PLXNA4: variants seen among roughly 807,000 people sequenced by gnomAD.
PLXNA4 encodes plexin-A4.
PLXNA4 carries 44 observed loss-of-function variants against 191.8 expected under a neutral mutation model. The ratio of observed to expected loss-of-function variants is 0.23; its 90% CI spans 0.18 to 0.29. The LOEUF is 0.29. Among genes scored for constraint, PLXNA4 ranks in the 10% least tolerant of loss-of-function variants. PLXNA4 has a pLI of 1.00. For missense variants in PLXNA4, 1,800 were observed against 2,488.8 expected (o/e 0.72, Z 5.89); for synonymous variants, 1,082 against 1,009.5 (o/e 1.07, Z -1.36).
chr7:132,583,377 C>T (rs977265528), intron 2 of PLXNA4, among the ~76,000 whole-genome samples: 8 of 152,148 alleles, frequency 5.3e-5, no homozygotes, highest in South Asian at 2.1e-4. Context: ...AGACTAGAAG[C>T]GAGATGTGAT....
intron 3 of PLXNA4, among the ~76,000 whole-genome samples, chr7:132,405,062 G>A (rs948141178): frequency 4.9e-5 from 3 of 60,756 alleles, no homozygotes; most frequent in Non-Finnish European, 6.6e-5. Flanking sequence ...GAGGGTATGT[G>A]TGTGTGTGTA....
At chr7:132,520,338 G>T (rs1266235671) in intron 1 of PLXNA4, among the ~76,000 whole-genome samples, 1 of 152,116 alleles carries the variant, frequency 6.6e-6, no homozygotes, top group East Asian at 1.9e-4. Flanking sequence ...AACAGCTCAG[G>T]TGTTGGTCCA....
chr7:132,575,837 A>G (rs1802198973), intron 1 of PLXNA4, among the ~76,000 whole-genome samples: 1 of 152,222 alleles, frequency 6.6e-6, no homozygotes, highest in East Asian at 1.9e-4. Context: ...TCTGTTTCAT[A>G]TGCGCCGCCC....
intron 13 of PLXNA4, among the ~76,000 whole-genome samples, chr7:132,196,143 T>C (rs1489181696): frequency 6.6e-6 from 1 of 152,234 alleles, no homozygotes; most frequent in Non-Finnish European, 1.5e-5. Context: ...CCTCATTTTA[T>C]AAATGAAGAA....
At position 132,147,482 on chromosome 7, in the gene PLXNA4, G is replaced by T. The variant is rs139927525; in HGVS notation, c.4864+418C>A. Among the ~76,000 whole-genome samples the T allele has an allele frequency of 5.2e-3, 790 of 152,170 alleles. 5 individuals are homozygous for T. Among genetic ancestry groups the T allele is most frequent in the African/African-American group, 0.018 (735 of 41,494 alleles). ...CCTCTCCTCACCACTGCAGAGCCTC[G>T]CACCTGGTCTGTACCTGCACTCCAC... On this transcript the variant is annotated intron_variant, in intron 27 of 31. Coordinates refer to ENST00000321063, the MANE Select transcript of PLXNA4 (RefSeq NM_020911.2).
At chr7:132,150,370 C>T (rs1295265023) in intron 25 of PLXNA4, among the ~76,000 whole-genome samples, 1 of 152,166 alleles carries the variant, frequency 6.6e-6, no homozygotes, top group African/African-American at 2.4e-5. Context: ...CCAAGCTGGC[C>T]AGACAGCTGA....
At chr7:132,250,308 T>C (rs1376063059) in intron 4 of PLXNA4, among the ~76,000 whole-genome samples, 1 of 152,224 alleles carries the variant, frequency 6.6e-6, no homozygotes, top group African/African-American at 2.4e-5. Flanking sequence ...CTATACCTAG[T>C]ACTCAGCTCA....
chr7:132,285,457 C>A (rs754392669), intron 4 of PLXNA4, among the ~76,000 whole-genome samples: 1 of 152,192 alleles, frequency 6.6e-6, no homozygotes, highest in Non-Finnish European at 1.5e-5. Context: ...CTCCCCTTAG[C>A]CATTGTGCAT....
At chr7:132,596,994 C>T (rs1358989293) in intron 2 of PLXNA4, among the ~76,000 whole-genome samples, 5 of 151,992 alleles carry the variant, frequency 3.3e-5, no homozygotes, top group East Asian at 1.9e-4. Flanking sequence ...ATTGGGAGTA[C>T]GATTGTGCAG....
intron 2 of PLXNA4, among the ~76,000 whole-genome samples, chr7:132,639,908 GC>G (rs1469245697): frequency 6.6e-6 from 1 of 152,202 alleles, no homozygotes; most frequent in African/African-American, 2.4e-5. Context: ...TCCAGCCCCA[GC>G]CCTTTCTCTA....
chr7:132,303,652 C>T (rs571356111), intron 3 of PLXNA4, among the ~76,000 whole-genome samples: 7 of 152,228 alleles, frequency 4.6e-5, no homozygotes, highest in Admixed American at 1.3e-4. Flanking sequence ...AGGATGACAC[C>T]AAGGAGGAAA....
chr7:132,540,569 CTT>C (rs71915138), intron 1 of PLXNA4, among the ~76,000 whole-genome samples: 3 of 61,008 alleles, frequency 4.9e-5, no homozygotes, highest in South Asian at 1.0e-3. Flanking sequence ...GTGGACCGTT[CTT>C]TTTTTTTTTT....
intron 3 of PLXNA4, among the ~76,000 whole-genome samples, chr7:132,401,079 A>G (rs991260509): frequency 1.3e-5 from 2 of 152,186 alleles, no homozygotes; most frequent in Admixed American, 6.5e-5. Context: ...TGGCTGGCAC[A>G]TATCTACACA....
At chr7:132,284,028 A>T (rs1417969057) in intron 4 of PLXNA4, among the ~76,000 whole-genome samples, 1 of 152,174 alleles carries the variant, frequency 6.6e-6, no homozygotes, top group Non-Finnish European at 1.5e-5. Flanking sequence ...TTAAAAATTT[A>T]GCTTAGAGAG....
intron 3 of PLXNA4, among the ~76,000 whole-genome samples, chr7:132,442,520 G>A (rs1405463855): frequency 2.0e-5 from 3 of 152,154 alleles, no homozygotes; most frequent in African/African-American, 7.2e-5. Flanking sequence ...CCACCTACGT[G>A]TTCTTTCTAG....
chr7:132,548,913 A>T (rs527260435), intron 1 of PLXNA4, among the ~76,000 whole-genome samples: 1 of 152,210 alleles, frequency 6.6e-6, no homozygotes, highest in South Asian at 2.1e-4. Context: ...ACTGCTCATT[A>T]TATGCTAATT....
At chr7:132,438,181 G>T (rs576074773) in intron 3 of PLXNA4, among the ~76,000 whole-genome samples, 1 of 152,202 alleles carries the variant, frequency 6.6e-6, no homozygotes, top group Non-Finnish European at 1.5e-5. Context: ...TTGGGTTAAA[G>T]GTTGGTTAGG....
At chr7:132,148,478 G>C in intron 26 of PLXNA4, 65 bp downstream of exon 26, 3 of 1,601,374 alleles carry the variant, frequency 1.9e-6, no homozygotes, top group Non-Finnish European at 2.6e-6. Flanking sequence ...TTATTCCAGG[G>C]CAATGATTTC....
chr7:132,363,654 A>G (rs1413372322), intron 3 of PLXNA4, among the ~76,000 whole-genome samples: 2 of 152,164 alleles, frequency 1.3e-5, no homozygotes, highest in Admixed American at 6.5e-5. Context: ...TACTATGAAT[A>G]TGGTTGTACA....
Sources: allele counts gnomAD v4.1 joint callset (sites outside exome capture counted in the v4.1 genomes callset), GRCh38; gene constraint gnomAD v4.1.1; transcripts MANE v1.5; gene names NCBI Gene and HGNC (gene_info 2026-07-23, HGNC 2026-07-21).